The following USP4 variants were observed in gnomAD, a reference collection of about 807,000 sequenced individuals.
USP4 encodes the protein ubiquitin carboxyl-terminal hydrolase 4.
USP4 carries 72 observed loss-of-function variants against 118.2 expected under a neutral mutation model. That is an observed-to-expected ratio of 0.61 (90% CI 0.50 to 0.74). USP4 has a LOEUF of 0.74. Ranked by LOEUF, USP4 falls within the 30% of genes least tolerant of loss-of-function variation. The pLI, the probability that USP4 is intolerant of heterozygous loss-of-function variation, is 0.00. For missense variants in USP4, 1,037 were observed against 1,185.7 expected (o/e 0.87, Z 1.84); for synonymous variants, 415 against 440.4 (o/e 0.94, Z 0.72).
intron 6 of USP4, 59 bp from the exon 7 acceptor site, chr3:49,311,713 A>G: frequency 6.2e-7 from 1 of 1,600,054 alleles, no homozygotes; most frequent in Non-Finnish European, 8.5e-7. Flanking sequence ...AGCCCTATTT[A>G]ATGCCTTAGG....
At position 49,286,236 on chromosome 3, in the gene USP4, C is replaced by A. The variant is rs769099094; in HGVS notation, c.2062G>T (p.Asp688Tyr). The change falls in exon 16 of 22, where the codon GAC becomes TAC. Residue 688 changes from aspartate to tyrosine, a missense_variant. By Grantham distance (160) the Asp-to-Tyr change is radical (BLOSUM62 -3). This residue lies in a region of USP4 where 522 missense variants were observed against 592.6 expected (regional missense o/e 0.88). Coordinates refer to ENST00000265560, the MANE Select transcript of USP4 (RefSeq NM_003363.4). ...EGSGEDEPGN[D>Y]PSETTQKKIK... ...TTCTTTTGGGTGGTCTCACTGGGGT[C>A]ATTTCCTGGCTCATCTTCCCCACTG... 2 of 1,614,122 alleles carry A rather than the reference C, an allele frequency of 1.2e-6. No individual in the cohort carries two copies. Among genetic ancestry groups the A allele is most frequent in the South Asian group, 1.1e-5 (1 of 91,084 alleles).
chr3:49,279,353 G>C (rs2046992965), intron 20 of USP4: 1 of 152,466 alleles, frequency 6.6e-6, no homozygotes, highest in Non-Finnish European at 1.5e-5. Context: ...TTAGTGCCTC[G>C]GGAGCCTACA....
Position 49,283,976 on chromosome 3 carries a change from C to A in USP4, c.2540+11G>T. ...TTAAATGTTCCTAACACTGTAGTCACCATGACCCACCTGATTGGGAATTCT... is the reference window on the plus strand; with the variant it reads ...TTAAATGTTCCTAACACTGTAGTCAACATGACCCACCTGATTGGGAATTCT... On this transcript the variant is annotated intron_variant, in intron 19 of 21. Transcript: ENST00000265560. 6.2e-7 allele frequency: 1 copy of A among 1,614,150 alleles called. No individual in the cohort carries two copies.
chr3:49,328,240 C>T (rs913818527), intron 2 of USP4, among the ~76,000 whole-genome samples: 8 of 152,050 alleles, frequency 5.3e-5, no homozygotes, highest in Admixed American at 4.6e-4. Context: ...CACCTGTAGT[C>T]CCAGCTACTC....
At chr3:49,291,836 C>T (rs2047154765) in intron 15 of USP4, among the ~76,000 whole-genome samples, 1 of 150,232 alleles carries the variant, frequency 6.7e-6, no homozygotes. Context: ...TTTTTTGAGA[C>T]AGAGTTTCAC....
chr3:49,307,245 CA>C (rs2047328497), intron 8 of USP4, among the ~76,000 whole-genome samples: 1 of 151,290 alleles, frequency 6.6e-6, no homozygotes, highest in Non-Finnish European at 1.5e-5. Context: ...GCCAGGAGTT[CA>C]AGACCTTCCT....
At chr3:49,286,383 A>G (rs2047091062) in intron 15 of USP4, 58 bp from the exon 16 acceptor site, 1 of 1,500,638 alleles carries the variant, frequency 6.7e-7, no homozygotes, top group Admixed American at 1.9e-5. Flanking sequence ...AATGTTAAAA[A>G]TTTTATTTAA....
chr3:49,325,696 G>A, intron 4 of USP4, 23 bp downstream of exon 4: 3 of 1,611,676 alleles, frequency 1.9e-6, no homozygotes, highest in African/African-American at 1.3e-5. Flanking sequence ...CCACATACCA[G>A]GGACCCCAGC....
intron 8 of USP4, 112 bp from the exon 9 acceptor site, chr3:49,306,000 T>A: frequency 9.2e-7 from 1 of 1,090,688 alleles, no homozygotes; most frequent in South Asian, 1.9e-5. Context: ...AATGAGGCAC[T>A]CAGGAGATTC....
intron 19 of USP4, among the ~76,000 whole-genome samples, chr3:49,282,949 C>T (rs575110690): frequency 6.7e-6 from 1 of 149,184 alleles, no homozygotes; most frequent in South Asian, 2.1e-4. Context: ...CTCAAGTGAT[C>T]CACCCACCTT....
intron 14 of USP4, among the ~76,000 whole-genome samples, chr3:49,293,331 G>A (rs1366378399): frequency 4.6e-5 from 7 of 151,938 alleles, no homozygotes; most frequent in Non-Finnish European, 2.9e-5. Context: ...TGGCCAACAC[G>A]GTGAAACCTC....
intron 9 of USP4, among the ~76,000 whole-genome samples, chr3:49,303,100 C>G (rs1242031575): frequency 1.3e-5 from 2 of 152,100 alleles, no homozygotes; most frequent in Non-Finnish European, 2.9e-5. Flanking sequence ...GGGGATGGGT[C>G]TAGCAGTCTG....
Position 49,324,923 on chromosome 3 carries a change from C to A in USP4, c.604G>T (p.Val202Phe). The A allele has an allele frequency of 1.2e-6, 2 of 1,614,206 alleles. No homozygotes were observed. The highest frequency in any genetic ancestry group is 2.2e-5 in the South Asian group (2 of 91,090). The change falls in exon 5 of 22, where the codon GTC (valine) becomes TTC (phenylalanine). Residue 202 changes from valine (V) to phenylalanine (F), a missense_variant. Physicochemically the swap from Val to Phe is conservative, Grantham distance 50. Coordinates refer to ENST00000265560, the MANE Select transcript of USP4 (RefSeq NM_003363.4). Reference protein sequence around the residue: ...YEQLSKLDNTVQDAGLYQGQV... With the variant: ...YEQLSKLDNTFQDAGLYQGQV... ...CCCTGGTATAGCCCAGCATCCTGGACAGTGTTGTCTAGCTTGCTCAACTGC... is the reference window on the plus strand; with the variant it reads ...CCCTGGTATAGCCCAGCATCCTGGAAAGTGTTGTCTAGCTTGCTCAACTGC...
rs752445585 is a variant in USP4, at chr3:49,292,535, G to A, written c.1947C>T (p.Cys649=). The A allele has an allele frequency of 6.9e-6, 11 of 1,596,668 alleles. No homozygotes were observed. The East Asian group carries it at 2.5e-4, about 36-fold the overall frequency. ...CTTCACAGCTGTTCCTGGAGCCATT[G>A]CAGGCCCCTGGCTCCAAGGGTGAGC... ...FGSSPLEPGA[C]NGSRNSCEGE... is the part of the protein sequence containing the mutation. The change falls in exon 15 of 22, where the codon TGC becomes TGT. Residue 649 remains cysteine (C), a synonymous_variant. Coordinates refer to ENST00000265560, the MANE Select transcript of USP4 (RefSeq NM_003363.4).
intron 9 of USP4, among the ~76,000 whole-genome samples, chr3:49,305,040 G>A (rs1340115153): frequency 6.7e-6 from 1 of 150,310 alleles, no homozygotes; most frequent in Non-Finnish European, 1.5e-5. Flanking sequence ...GGGATTACAG[G>A]AATGAGCCAC....
chr3:49,340,010 T>G lies in USP4; in HGVS notation c.15A>C (p.Gly5=), dbSNP rs893948016. 7 of 1,608,960 alleles carry G rather than the reference T, an allele frequency of 4.4e-6. No individual in the cohort carries two copies. Among genetic ancestry groups the G allele is most frequent in the Non-Finnish European group, 5.1e-6 (6 of 1,179,754 alleles). Residue 5 remains glycine, a synonymous_variant, in exon 1 of 22, where the codon GGA becomes GGC. Transcript: ENST00000265560. ...CCGCATCCGGTCGCTCACGGCAGCC[T>G]CCACCTTCCGCCATCTCCTCCGCGG... The part of the protein sequence containing the change: MAEG[G]GCRERPDAET...
intron 18 of USP4, 65 bp from the exon 19 acceptor site, chr3:49,284,201 A>G: frequency 1.9e-6 from 3 of 1,597,774 alleles, no homozygotes; most frequent in South Asian, 1.1e-5. Flanking sequence ...GCACTCATGC[A>G]TGGAGGCACA....
intron 11 of USP4, among the ~76,000 whole-genome samples, chr3:49,299,902 A>G (rs2047247737): frequency 6.6e-6 from 1 of 151,986 alleles, no homozygotes. Flanking sequence ...AGATTCAAGA[A>G]CCACTTAGTA....
rs765852368 is a variant in USP4, at chr3:49,318,680, G to A, written c.695+6022C>T. On this transcript the variant is annotated intron_variant, in intron 6 of 21. Transcript: ENST00000265560. Reference sequence around the variant, plus strand: ...TCCCAGCACTCTGGGACGCCAAGGCGGGTGGATCACCTGAGGCCAGGAGTT... The same window carrying A: ...TCCCAGCACTCTGGGACGCCAAGGCAGGTGGATCACCTGAGGCCAGGAGTT... 55 of 944,626 alleles carry A rather than the reference G, an allele frequency of 5.8e-5. 1 individual carries two copies. In the Admixed American group the frequency reaches 2.8e-3, roughly 48 times the overall value. The allele number at this position is 944,626 out of a possible 1,614,324, so 58.5% of individuals were successfully genotyped here. A position where few individuals can be genotyped will look rare whatever the true frequency, so the allele number is the denominator to read the frequency against.
Sources: allele counts gnomAD v4.1 joint callset (sites outside exome capture counted in the v4.1 genomes callset), GRCh38; gene constraint gnomAD v4.1.1; regional missense constraint gnomAD v4.1.1; transcripts MANE v1.5; gene names NCBI Gene and HGNC (gene_info 2026-07-23, HGNC 2026-07-21).